Variants in MUC5AC observed in about 807,000 individuals in gnomAD.
MUC5AC encodes mucin 5AC, oligomeric mucus/gel-forming, also known as mucin-5AC.
Under a neutral mutation model 169.7 loss-of-function variants are expected in MUC5AC, and 158 were observed. That is an observed-to-expected ratio of 0.93 (90% CI 0.82 to 1.06). The LOEUF (loss-of-function observed/expected upper bound fraction) is 1.06, where lower values mean the gene tolerates loss of function less well. Among genes scored for constraint, MUC5AC ranks in the 50% least tolerant of loss-of-function variants. The pLI is 0.00. For missense variants in MUC5AC, 4,359 were observed against 3,089.9 expected (o/e 1.41, Z -9.74); for synonymous variants, 1,975 against 1,237.0 (o/e 1.60, Z -12.52).
rs1359589289 is a variant in MUC5AC at position 1,164,535 on chromosome 11, G to A, written c.1129+3G>A. 1 of 1,606,066 alleles carries A rather than the reference G, an allele frequency of 6.2e-7. No homozygotes were observed. Among genetic ancestry groups the A allele is most frequent in the Non-Finnish European group, 8.5e-7 (1 of 1,176,918 alleles). On this transcript the variant is annotated splice_donor_region_variant and intron_variant, in intron 9 of 48. Coordinates refer to ENST00000621226, the MANE Select transcript of MUC5AC (RefSeq NM_001304359.2). ...GGCCGGCTGCTTCTGCCCTGAGGGT[G>A]AGGCTCCCCCGCCCCTGGGAAACAC...
intron 1 of MUC5AC, among the ~76,000 whole-genome samples, 171 bp from the exon 2 acceptor site, chr11:1,160,439 GAC>G (rs932605142): frequency 7.8e-6 from 1 of 127,526 alleles, no homozygotes; most frequent in Non-Finnish European, 1.8e-5. Flanking sequence ...GACTCACATG[GAC>G]AGAGGCCTCC....
chr11:1,196,805 A>G (rs766441164), intron 39 of MUC5AC, 72 bp from the exon 40 acceptor site: 1 of 741,188 alleles, frequency 1.3e-6, no homozygotes, highest in Admixed American at 1.8e-5. Context: ...CCCTGGCCCC[A>G]ATATGGGACC....
At position 1,186,799 on chromosome 11, in the gene MUC5AC, G is replaced by A; in HGVS notation, c.8654G>A (p.Ser2885Asn). 1.4e-6 allele frequency: 1 copy of A among 730,108 alleles called. No homozygotes were observed. The highest frequency in any genetic ancestry group is 2.5e-6 in the Non-Finnish European group (1 of 403,546). The allele number at this position is 730,108 out of a possible 1,614,324, so 45.2% of individuals were successfully genotyped here. The change falls in exon 31 of 49, where the codon AGC becomes AAC. Residue 2885 changes from serine to asparagine, a missense_variant. Transcript: ENST00000621226. ...STTSGPGTTP[S>N]PVPTTSTTSA... Reference sequence around the variant, plus strand: ...ACCTCTGGCCCTGGAACTACTCCCAGCCCTGTTCCCACCACCAGTACAACC... The same window carrying A: ...ACCTCTGGCCCTGGAACTACTCCCAACCCTGTTCCCACCACCAGTACAACC...
At position 1,184,572 on chromosome 11, in the gene MUC5AC, TAC is replaced by T. The variant is rs1860885878; in HGVS notation, c.6429_6430del (p.Tyr2143Ter). ...ACCCCATGGTGGAGACAAGGAAACC[TAC>T]AACAACATCATCAGGAGTGGGGAAA... ...PGPHGGDKET[Y>X]NNIIRSGEKI... On this transcript the variant is annotated frameshift_variant, in exon 31 of 49. Coordinates refer to ENST00000621226, the MANE Select transcript of MUC5AC (RefSeq NM_001304359.2). LOFTEE classifies it high-confidence loss of function. The T allele has an allele frequency of 1.6e-6, 1 of 629,962 alleles. No homozygotes were observed. The highest frequency in any genetic ancestry group is 1.9e-5 in the South Asian group (1 of 53,800). 39.0% of individuals were successfully genotyped at this position (629,962 alleles called of 1,614,324 possible). A position where few individuals can be genotyped will look rare whatever the true frequency, so the allele number is the denominator to read the frequency against.
intron 19 of MUC5AC, 75 bp downstream of exon 19, chr11:1,175,345 G>T (rs1689549050): frequency 5.0e-6 from 2 of 398,442 alleles, no homozygotes; most frequent in East Asian, 7.1e-5. Context: ...ATGGCTTCAG[G>T]GTTAGCCCCA....
In MUC5AC at chr11:1,199,742, G is replaced by T; in HGVS notation, c.16563G>T (p.Pro5521=). The change falls in exon 47 of 49, where the codon CCG becomes CCT. Residue 5521 remains proline (P), a synonymous_variant. Transcript: ENST00000621226. ...SKDGCCRFCP[P]PPPPYQNQST... ...ACGGCTGCTGCCGCTTCTGCCCGCCGCCCCCGCCCCCGTACCAGAACCGTG... is the reference window on the plus strand; with the variant it reads ...ACGGCTGCTGCCGCTTCTGCCCGCCTCCCCCGCCCCCGTACCAGAACCGTG... 4 of 711,306 alleles carry T rather than the reference G, an allele frequency of 5.6e-6. No individual in the cohort carries two copies. The highest frequency in any genetic ancestry group is 1.0e-5 in the Non-Finnish European group (4 of 390,166). The allele number at this position is 711,306 out of a possible 1,614,324, so 44.1% of individuals were successfully genotyped here. A position where few individuals can be genotyped will look rare whatever the true frequency, so the allele number is the denominator to read the frequency against.
At position 1,199,854 on chromosome 11, in the gene MUC5AC, G is replaced by C; in HGVS notation, c.16586-1G>C. On this transcript the variant is annotated splice_acceptor_variant, in intron 47 of 48. Coordinates refer to ENST00000621226, the MANE Select transcript of MUC5AC (RefSeq NM_001304359.2). LOFTEE classifies it high-confidence loss of function. ...GTCCTAAACCCTGTGTTCCTCTCCA[G>C]AGTCGACCTGTGCTGTGTACCATAG... The C allele has an allele frequency of 1.3e-6, 1 of 762,834 alleles. No homozygotes were observed. Among genetic ancestry groups the C allele is most frequent in the Non-Finnish European group, 2.4e-6 (1 of 416,896 alleles). The allele number at this position is 762,834 out of a possible 1,614,324, so 47.3% of individuals were successfully genotyped here. A position where few individuals can be genotyped will look rare whatever the true frequency, so the allele number is the denominator to read the frequency against.
chr11:1,167,873 G>T lies in MUC5AC; in HGVS notation c.1387-4G>T. 6.5e-7 allele frequency: 1 copy of T among 1,549,716 alleles called. No homozygotes were observed. Among genetic ancestry groups the T allele is most frequent in the South Asian group, 1.2e-5 (1 of 84,040 alleles). On this transcript the variant is annotated splice_region_variant and splice_polypyrimidine_tract_variant and intron_variant, in intron 11 of 48. Transcript: ENST00000621226. ...GAGGACCCCTGGTGTGTCGTGTTCC[G>T]CAGCCCTGTGACAGCAGTGCCTTCA...
intron 30 of MUC5AC, 95 bp downstream of exon 30, chr11:1,181,554 G>A (rs1275949959): frequency 1.0e-5 from 4 of 397,944 alleles, no homozygotes; most frequent in South Asian, 1.3e-4. Context: ...AGCAGCTCTG[G>A]GCATGGGCGG....
Position 1,189,089 on chromosome 11 carries a change from C to G in MUC5AC, c.10944C>G (p.Thr3648=). Residue 3648 remains threonine (T), a synonymous_variant, in exon 31 of 49, where the codon ACC becomes ACG. Transcript: ENST00000621226. The part of the protein sequence containing the change: ...SGRATSPTQS[T]SSWQKSRTTT... ...GAGCCACCAGCCCAACTCAGAGCAC[C>G]TCCTCTTGGCAGAAATCCAGGACAA... The G allele has an allele frequency of 1.7e-6, 1 of 575,978 alleles. No individual in the cohort carries two copies. Among genetic ancestry groups the G allele is most frequent in the Non-Finnish European group, 3.1e-6 (1 of 318,500 alleles). 35.7% of individuals were successfully genotyped at this position (575,978 alleles called of 1,614,324 possible). A position where few individuals can be genotyped will look rare whatever the true frequency, so the allele number is the denominator to read the frequency against.
chr11:1,160,548 G>A, intron 1 of MUC5AC, 64 bp from the exon 2 acceptor site: 4 of 1,406,218 alleles, frequency 2.8e-6, no homozygotes, highest in Non-Finnish European at 2.9e-6. Flanking sequence ...CTGCATCTGT[G>A]GCCGCAGCCT....
Position 1,185,648 on chromosome 11 carries a change from C to G in MUC5AC, c.7503C>G (p.Thr2501=), listed in dbSNP as rs1341656924. 1 of 738,946 alleles carries G rather than the reference C, an allele frequency of 1.4e-6. No individual in the cohort carries two copies. The highest frequency in any genetic ancestry group is 2.5e-6 in the Non-Finnish European group (1 of 404,824). 45.8% of individuals were successfully genotyped at this position (738,946 alleles called of 1,614,324 possible). The change falls in exon 31 of 49, where the codon ACC becomes ACG. Residue 2501 remains threonine, a synonymous_variant. Coordinates refer to ENST00000621226, the MANE Select transcript of MUC5AC (RefSeq NM_001304359.2). ...TPRPVPTTST[T]SSPTTSTTSA... is the part of the protein sequence containing the mutation. ...GACCTGTTCCTACCACCAGCACAAC[C>G]TCTTCTCCTACAACCAGCACAACCT...
In MUC5AC at chr11:1,183,857, C is replaced by A. The variant is rs1162077249; in HGVS notation, c.5712C>A (p.Thr1904=). The part of the protein sequence containing the change: ...ARTTPAPGTA[T]SVKKTFSTPS... ...CGACACCTGCCCCAGGTACCGCTAC[C>A]TCTGTCAAAAAAACTTTCTCAACTC... Residue 1904 remains threonine (T), a synonymous_variant, in exon 31 of 49, where the codon ACC becomes ACA. Transcript: ENST00000621226. 9.9e-6 allele frequency: 4 copies of A among 404,038 alleles called. No individual in the cohort carries two copies. The highest frequency in any genetic ancestry group is 2.1e-5 in the African/African-American group (1 of 46,914). The allele number at this position is 404,038 out of a possible 1,614,324, so 25.0% of individuals were successfully genotyped here. A position where few individuals can be genotyped will look rare whatever the true frequency, so the allele number is the denominator to read the frequency against.
chr11:1,161,709 G>T, intron 3 of MUC5AC, 123 bp downstream of exon 3: 1 of 1,295,424 alleles, frequency 7.7e-7, no homozygotes, highest in Non-Finnish European at 1.0e-6. Context: ...GGTGGGTATT[G>T]GAGCCAGAGG....
Position 1,185,584 on chromosome 11 carries a change from C to CTCCTAAAAGCAGCACAACCTCTGCCGT in MUC5AC, c.7440_7441insCCTAAAAGCAGCACAACCTCTGCCGTT (p.Ala2480_Thr2481insProLysSerSerThrThrSerAlaVal), listed in dbSNP as rs1860919389. 1.4e-6 allele frequency: 1 copy of CTCCTAAAAGCAGCACAACCTCTGCCGT among 723,798 alleles called. No homozygotes were observed. The highest frequency in any genetic ancestry group is 1.7e-5 in the African/African-American group (1 of 57,704). 44.8% of individuals were successfully genotyped at this position (723,798 alleles called of 1,614,324 possible). A position where few individuals can be genotyped will look rare whatever the true frequency, so the allele number is the denominator to read the frequency against. On this transcript the variant is annotated inframe_insertion, in exon 31 of 49. Transcript: ENST00000621226. ...CCTAAAAGCAGCACAACCTCTGCCG[C>CTCCTAAAAGCAGCACAACCTCTGCCGT]TACAACCAGCACAACCTCTGGTCCT...
chr11:1,162,461 G>A lies in MUC5AC; in HGVS notation c.474-71G>A, dbSNP rs537035262. 3.3e-4 allele frequency: 452 copies of A among 1,356,422 alleles called. 4 individuals carry two copies. In the Middle Eastern group the frequency reaches 3.4e-3, roughly 10 times the overall value. 84.0% of individuals were successfully genotyped at this position (1,356,422 alleles called of 1,614,324 possible). On this transcript the variant is annotated intron_variant, in intron 4 of 48. Coordinates refer to ENST00000621226, the MANE Select transcript of MUC5AC (RefSeq NM_001304359.2). Reference sequence around the variant, plus strand: ...CGATGACCGTGTCACATTTGCGACCGCAGGCATCTGCCCTGCCTGGGGTCT... The same window carrying A: ...CGATGACCGTGTCACATTTGCGACCACAGGCATCTGCCCTGCCTGGGGTCT...
chr11:1,190,652 A>G lies in MUC5AC; in HGVS notation c.12507A>G (p.Thr4169=). 1.4e-6 allele frequency: 1 copy of G among 694,522 alleles called. No homozygotes were observed. The highest frequency in any genetic ancestry group is 2.6e-6 in the Non-Finnish European group (1 of 380,470). 43.0% of individuals were successfully genotyped at this position (694,522 alleles called of 1,614,324 possible). The stretch of plus-strand genomic sequence containing the variant: ...CAACCTCTGCTCCAACAACCAGCAC[A>G]AACTCTGCTCCTACAACCAGCACAA... ...TSTTSAPTTS[T]NSAPTTSTIS... is the part of the protein sequence containing the mutation. Residue 4169 remains threonine (T), a synonymous_variant, in exon 31 of 49, where the codon ACA becomes ACG. Coordinates refer to ENST00000621226, the MANE Select transcript of MUC5AC (RefSeq NM_001304359.2).
rs777189206 is a variant in MUC5AC, at chr11:1,168,757, C to G, written c.1683C>G (p.Pro561=). 2 of 1,605,810 alleles carry G rather than the reference C, an allele frequency of 1.2e-6. No homozygotes were observed. The highest frequency in any genetic ancestry group is 1.7e-5 in the Admixed American group (1 of 59,802). ...TGCAGCTGTTCATGCAGCTGGCGCC[C>G]AAGCTCCGTGGGCAGACCTGCGGTA... ...PTMQLFMQLA[P]KLRGQTCGLC... Residue 561 remains proline, a synonymous_variant, in exon 14 of 49, where the codon CCC becomes CCG. Coordinates refer to ENST00000621226, the MANE Select transcript of MUC5AC (RefSeq NM_001304359.2).
Position 1,188,502 on chromosome 11 carries a change from A to C in MUC5AC, c.10357A>C (p.Ser3453Arg). The C allele has an allele frequency of 2.8e-6, 2 of 715,604 alleles. No homozygotes were observed. The highest frequency in any genetic ancestry group is 1.5e-5 in the South Asian group (1 of 67,818). The allele number at this position is 715,604 out of a possible 1,614,324, so 44.3% of individuals were successfully genotyped here. A position where few individuals can be genotyped will look rare whatever the true frequency, so the allele number is the denominator to read the frequency against. Reference sequence around the variant, plus strand: ...CAGCACAACCTCTGCTACTACAACCAGCACAACCTCTGCCCCTACAAGCAG... The same window carrying C: ...CAGCACAACCTCTGCTACTACAACCCGCACAACCTCTGCCCCTACAAGCAG... ...TTSTTSATTT[S>R]TTSAPTSSTT... The change falls in exon 31 of 49, where the codon AGC (serine) becomes CGC (arginine). Residue 3453 changes from serine to arginine, a missense_variant. By Grantham distance (110) the Ser-to-Arg change is moderately radical. Coordinates refer to ENST00000621226, the MANE Select transcript of MUC5AC (RefSeq NM_001304359.2).
Sources: gnomAD v4.1 joint callset for allele counts (sites outside exome capture counted in the v4.1 genomes callset) on GRCh38, gnomAD v4.1.1 for gene constraint, MANE v1.5 for transcripts, NCBI Gene and HGNC (gene_info 2026-07-23, HGNC 2026-07-21) for gene names.